The following CAST variants were observed in gnomAD, a reference collection of about 807,000 sequenced individuals.
CAST encodes MIR583 host.
A neutral mutation model predicts 119.6 loss-of-function variants in CAST; 76 were observed. That is an observed-to-expected ratio of 0.64 (90% CI 0.53 to 0.77). CAST has a LOEUF of 0.77. Among genes scored for constraint, CAST ranks in the 30% least tolerant of loss-of-function variants. The probability of loss-of-function intolerance (pLI) is 0.00; values close to 1 mark genes in which losing one functional copy is unlikely to be tolerated. For missense variants in CAST, 953 were observed against 946.5 expected (o/e 1.01, Z -0.09); for synonymous variants, 319 against 331.6 (o/e 0.96, Z 0.41).
the CAST span, among the ~76,000 whole-genome samples, chr5:96,202,636 G>A: frequency 2.6e-5 from 4 of 152,176 alleles, no homozygotes; most frequent in South Asian, 2.1e-4. Context: ...TTTGAGAGGC[G>A]TGAATATCTG....
chr5:96,432,097 A>AG, the CAST span: 1 of 1,534,840 alleles, frequency 6.5e-7, no homozygotes, highest in South Asian at 1.2e-5. Context: ...CTGAAGAACA[A>AG]GAAAGAAATA....
At chr5:96,069,351 ATGTATGTG>A in the CAST span, among the ~76,000 whole-genome samples, 1 of 88,100 alleles carries the variant, frequency 1.1e-5, no homozygotes, top group Non-Finnish European at 2.3e-5. Flanking sequence ...GCATGTGTGT[ATGTATGTG>A]TGTGTGTGTG....
At chr5:96,240,843 CA>C in the CAST span, among the ~76,000 whole-genome samples, 2 of 146,632 alleles carry the variant, frequency 1.4e-5, no homozygotes, top group Non-Finnish European at 3.0e-5. Context: ...TTATTCACTA[CA>C]GAACTATTTG....
At chr5:96,655,185 C>T (rs1425205301) in intron 1 of CAST, among the ~76,000 whole-genome samples, 1 of 152,110 alleles carries the variant, frequency 6.6e-6, no homozygotes, top group Non-Finnish European at 1.5e-5. Context: ...TGAGCAAGAC[C>T]TGATGGTGGG....
At chr5:96,028,825 A>C in the CAST span, among the ~76,000 whole-genome samples, 1 of 152,248 alleles carries the variant, frequency 6.6e-6, no homozygotes, top group East Asian at 1.9e-4. Flanking sequence ...ATAGGTTTTT[A>C]TCTAAGGGAA....
At chr5:95,990,889 C>T in the CAST span, among the ~76,000 whole-genome samples, 1 of 152,030 alleles carries the variant, frequency 6.6e-6, no homozygotes, top group African/African-American at 2.4e-5. Flanking sequence ...CAGGTGTGAG[C>T]CACCACACCG....
the CAST span, chr5:96,079,282 T>C: frequency 2.9e-6 from 1 of 345,864 alleles, no homozygotes; most frequent in Non-Finnish European, 5.9e-6. Flanking sequence ...ACTTACCAAA[T>C]GGCATCAGGC....
the CAST span, among the ~76,000 whole-genome samples, chr5:96,403,101 A>C: frequency 6.6e-6 from 1 of 152,140 alleles, no homozygotes. Flanking sequence ...CAAGGTGCTG[A>C]TAATCATGAT....
chr5:96,609,533 C>A (rs1406560029), intron 1 of CAST, among the ~76,000 whole-genome samples: 5 of 152,160 alleles, frequency 3.3e-5, no homozygotes, highest in Non-Finnish European at 7.4e-5. Flanking sequence ...CCAACAATGC[C>A]AATGCTCTTG....
intron 31 of CAST, 180 bp from the exon 32 acceptor site, chr5:96,772,460 C>G (rs979309031): frequency 1.1e-4 from 17 of 152,472 alleles, no homozygotes; most frequent in African/African-American, 4.1e-4. Flanking sequence ...TTAGGTAGAA[C>G]TGCTCTAACA....
At chr5:96,594,394 G>T (rs1419540780) in intron 1 of CAST, among the ~76,000 whole-genome samples, 1 of 152,194 alleles carries the variant, frequency 6.6e-6, no homozygotes. Flanking sequence ...AAACAGTCGA[G>T]TTAGCCTTGT....
the CAST span, among the ~76,000 whole-genome samples, chr5:96,473,971 A>G: frequency 1.3e-5 from 2 of 152,106 alleles, no homozygotes; most frequent in Admixed American, 1.3e-4. Context: ...AGAGACTGAG[A>G]GGTAAGAAAG....
At chr5:96,098,079 C>CAGT in the CAST span, among the ~76,000 whole-genome samples, 1 of 152,072 alleles carries the variant, frequency 6.6e-6, no homozygotes, top group Non-Finnish European at 1.5e-5. Context: ...CTCTAATGAT[C>CAGT]AGTAATTTGA....
At chr5:96,753,101 C>T (rs1402471941) in intron 20 of CAST, among the ~76,000 whole-genome samples, 1 of 151,576 alleles carries the variant, frequency 6.6e-6, no homozygotes, top group Non-Finnish European at 1.5e-5. Context: ...TCAAGCAATC[C>T]TCCCACCTCA....
At chr5:96,703,109 C>T (rs1364148443) in intron 3 of CAST, among the ~76,000 whole-genome samples, 3 of 152,126 alleles carry the variant, frequency 2.0e-5, no homozygotes, top group Non-Finnish European at 2.9e-5. Flanking sequence ...TGTTTCTTGG[C>T]GACTCCTCCT....
chr5:96,347,735 G>C, the CAST span, among the ~76,000 whole-genome samples: 15 of 152,144 alleles, frequency 9.9e-5, no homozygotes, highest in Non-Finnish European at 1.3e-4. Context: ...AATAAGACCA[G>C]TTCTAAACCC....
chr5:96,038,568 G>C, the CAST span, among the ~76,000 whole-genome samples: 1 of 127,728 alleles, frequency 7.8e-6, no homozygotes, highest in African/African-American at 3.0e-5. Context: ...TCCCCTCCCT[G>C]TGTCCATGTG....
the CAST span, among the ~76,000 whole-genome samples, chr5:95,965,864 G>T: frequency 0.012 from 1,783 of 152,314 alleles, 30 homozygotes; most frequent in African/African-American, 0.041. Flanking sequence ...CAGGTTTTAA[G>T]TTGAATAATT....
At chr5:96,254,122 A>C in the CAST span, among the ~76,000 whole-genome samples, 1 of 152,124 alleles carries the variant, frequency 6.6e-6, no homozygotes, top group African/African-American at 2.4e-5. Flanking sequence ...ATGGATTTTA[A>C]GTATTTATCT....
Sources: gnomAD v4.1 joint callset for allele counts (sites outside exome capture counted in the v4.1 genomes callset) on GRCh38, gnomAD v4.1.1 for gene constraint, MANE v1.5 for transcripts, NCBI Gene and HGNC (gene_info 2026-07-23, HGNC 2026-07-21) for gene names.